MACF1: variants seen among roughly 807,000 people sequenced by gnomAD.
The protein encoded by MACF1 is microtubule-actin cross-linking factor 1.
Under a neutral mutation model 854.8 loss-of-function variants are expected in MACF1, and 193 were observed. That is an observed-to-expected ratio of 0.23 (90% CI 0.20 to 0.25). The LOEUF (loss-of-function observed/expected upper bound fraction) is 0.25, where lower values mean the gene tolerates loss of function less well. Ranked by LOEUF, MACF1 falls within the 10% of genes least tolerant of loss-of-function variation. The probability of loss-of-function intolerance (pLI) is 1.00; values close to 1 mark genes in which losing one functional copy is unlikely to be tolerated. For synonymous variants in MACF1, 3,185 were observed against 3,226.7 expected, an observed-to-expected ratio of 0.99 and a Z score of 0.44; for missense variants, 7,722 against 8,929.1, an observed-to-expected ratio of 0.86 and a Z score of 5.45.
At chr1:39,140,429 A>T (rs948102975) in intron 2 of MACF1, among the ~76,000 whole-genome samples, 1 of 152,228 alleles carries the variant, frequency 6.6e-6, no homozygotes, top group South Asian at 2.1e-4. Context: ...TGTCTCTGAC[A>T]TCCCATAGCA....
At chr1:39,458,796 A>G (rs1644493498) in intron 90 of MACF1, 2 of 496,110 alleles carry the variant, frequency 4.0e-6, no homozygotes, top group Admixed American at 7.4e-5. Flanking sequence ...TAATCAACAC[A>G]ACAGCTTCTA....
chr1:39,397,588 A>T (rs919536878), intron 58 of MACF1, among the ~76,000 whole-genome samples: 1 of 151,966 alleles, frequency 6.6e-6, no homozygotes. Context: ...GCTACTGACC[A>T]TCATAGCTCA....
chr1:39,393,126 T>C (rs1214573796), intron 58 of MACF1, among the ~76,000 whole-genome samples: 1 of 149,330 alleles, frequency 6.7e-6, no homozygotes, highest in Non-Finnish European at 1.5e-5. Flanking sequence ...AAGGACGTTT[T>C]TATCACTGAA....
intron 6 of MACF1, among the ~76,000 whole-genome samples, chr1:39,275,142 G>A (rs984069609): frequency 6.7e-6 from 1 of 149,468 alleles, no homozygotes; most frequent in South Asian, 2.1e-4. Flanking sequence ...GCAGTGGCGC[G>A]ATCTCGGCTC....
At chr1:39,171,558 C>G (rs1557496282) in intron 2 of MACF1, among the ~76,000 whole-genome samples, 1 of 152,178 alleles carries the variant, frequency 6.6e-6, no homozygotes, top group Non-Finnish European at 1.5e-5. Flanking sequence ...TTTCACTTAG[C>G]ATATGCACAT....
rs1402815913 is a variant in MACF1, at chr1:39,430,704, A to G, written c.17133A>G (p.Glu5711=). 2 of 1,611,574 alleles carry G rather than the reference A, an allele frequency of 1.2e-6. No homozygotes were observed. Among genetic ancestry groups the G allele is most frequent in the African/African-American group, 1.3e-5 (1 of 74,854 alleles). Residue 5711 remains glutamate, a splice_region_variant and synonymous_variant, in exon 66 of 101, where the codon GAA becomes GAG. Coordinates refer to ENST00000564288, the MANE Select transcript of MACF1 (RefSeq NM_001394062.1). ...TGAAAACTCTTTTCCCTCCTTAGGA[A>G]TTAAAGAAGGAGGTCATGGAGCACA... is the stretch of plus-strand genomic sequence containing the variant. The part of the protein sequence containing the change: ...QIPQFQQRQK[E]LKKEVMEHRL...
upstream of MACF1, among the ~76,000 whole-genome samples, chr1:39,200,449 A>G (rs1433335925): frequency 6.6e-6 from 1 of 152,156 alleles, no homozygotes; most frequent in Non-Finnish European, 1.5e-5. Flanking sequence ...CTGTAATCCC[A>G]GCACTTTGGG....
chr1:39,434,770 A>G, intron 69 of MACF1, 138 bp downstream of exon 69: 1 of 675,804 alleles, frequency 1.5e-6, no homozygotes, highest in Admixed American at 3.0e-5. Flanking sequence ...TTCCTTTCAT[A>G]ATACATAATC....
chr1:39,285,443 C>T, intron 13 of MACF1, 53 bp downstream of exon 13: 2 of 1,585,574 alleles, frequency 1.3e-6, no homozygotes, highest in East Asian at 4.5e-5. Context: ...TCCTGCTTCT[C>T]ACCCTCTGCT....
intron 2 of MACF1, among the ~76,000 whole-genome samples, chr1:39,106,285 C>A (rs1418324473): frequency 1.3e-5 from 2 of 152,054 alleles, no homozygotes; most frequent in Admixed American, 6.5e-5. Flanking sequence ...TCCATCTCCC[C>A]GGGGGTCTGG....
At chr1:39,481,097 C>A in intron 99 of MACF1, 67 bp downstream of exon 99, 3 of 932,244 alleles carry the variant, frequency 3.2e-6, no homozygotes, top group Non-Finnish European at 5.1e-6. Flanking sequence ...ACTTGACCAG[C>A]TCTTCTTCCT....
At position 39,316,386 on chromosome 1, in the gene MACF1, C is replaced by T. The variant is rs115911109; in HGVS notation, c.3450-5C>T. The stretch of plus-strand genomic sequence containing the variant: ...TAATGAAGGAATGTGTATTTGTCCC[C>T]ACAGGTTAAAGACAGTTGATGTTAT... On this transcript the variant is annotated splice_polypyrimidine_tract_variant and splice_region_variant and intron_variant, in intron 27 of 100. Coordinates refer to ENST00000564288, the MANE Select transcript of MACF1 (RefSeq NM_001394062.1). 6.2e-7 allele frequency: 1 copy of T among 1,600,638 alleles called. No homozygotes were observed. Among genetic ancestry groups the T allele is most frequent in the South Asian group, 1.1e-5 (1 of 88,900 alleles).
At chr1:39,475,346 G>A (rs182243198) in intron 97 of MACF1, among the ~76,000 whole-genome samples, 129 of 152,140 alleles carry the variant, frequency 8.5e-4, no homozygotes, top group African/African-American at 2.9e-3. Flanking sequence ...GTACATGCCT[G>A]TAGTCCCAGC....
intron 2 of MACF1, among the ~76,000 whole-genome samples, chr1:39,152,006 C>T (rs1196055424): frequency 2.0e-5 from 3 of 151,942 alleles, no homozygotes; most frequent in African/African-American, 7.3e-5. Context: ...CGGAGTTTTG[C>T]TCTTGTTACC....
At chr1:39,296,758 G>A (rs1450540081) in intron 20 of MACF1, among the ~76,000 whole-genome samples, 1 of 62,596 alleles carries the variant, frequency 1.6e-5, no homozygotes, top group Non-Finnish European at 3.8e-5. Context: ...AAGAAAGGAA[G>A]GAAGGAAGGA....
chr1:39,411,854 A>T, intron 58 of MACF1: 1 of 1,613,980 alleles, frequency 6.2e-7, no homozygotes, highest in Non-Finnish European at 8.5e-7. Flanking sequence ...AGGGCAAAAG[A>T]TTATGATACT....
intron 58 of MACF1, among the ~76,000 whole-genome samples, chr1:39,414,724 A>G (rs1643221786): frequency 1.3e-5 from 2 of 152,250 alleles, no homozygotes; most frequent in East Asian, 1.9e-4. Flanking sequence ...AAACAGGGAT[A>G]TAAACAGTTG....
At chr1:39,228,756 C>T (rs1368888341) in intron 1 of MACF1, among the ~76,000 whole-genome samples, 1 of 152,202 alleles carries the variant, frequency 6.6e-6, no homozygotes, top group Non-Finnish European at 1.5e-5. Flanking sequence ...TGGGTTCAAG[C>T]GATTCTCCTG....
intron 58 of MACF1, among the ~76,000 whole-genome samples, chr1:39,406,295 T>C (rs1642696645): frequency 2.6e-5 from 4 of 152,216 alleles, no homozygotes. Context: ...CATTTATTTA[T>C]TTATATGGAT....
Sources: allele counts gnomAD v4.1 joint callset (sites outside exome capture counted in the v4.1 genomes callset), GRCh38; gene constraint gnomAD v4.1.1; transcripts MANE v1.5; gene names NCBI Gene and HGNC (gene_info 2026-07-23, HGNC 2026-07-21).